SLMAP: variants seen among roughly 807,000 people sequenced by gnomAD.
SLMAP encodes the protein sarcolemma associated protein.
Under a neutral mutation model 128.8 loss-of-function variants are expected in SLMAP, and 44 were observed. The ratio of observed to expected loss-of-function variants is 0.34; its 90% CI spans 0.27 to 0.44. SLMAP has a LOEUF of 0.44. Among genes scored for constraint, SLMAP ranks in the 20% least tolerant of loss-of-function variants. The pLI, the probability that SLMAP is intolerant of heterozygous loss-of-function variation, is 1.00. For missense variants in SLMAP, 787 were observed against 985.3 expected (o/e 0.80, Z 2.69); for synonymous variants, 327 against 348.8 (o/e 0.94, Z 0.70).
intron 3 of SLMAP, among the ~76,000 whole-genome samples, chr3:57,838,811 A>C (rs1285253373): frequency 6.6e-6 from 1 of 152,182 alleles, no homozygotes; most frequent in African/African-American, 2.4e-5. Context: ...TGGAGATCGC[A>C]GGTAGCTTGG....
Position 57,926,257 on chromosome 3 carries a change from C to G in SLMAP, c.*6+323C>G, listed in dbSNP as rs1330486202. 1.6e-5 allele frequency: 4 copies of G among 249,746 alleles called. No individual in the cohort carries two copies. In the Admixed American group the frequency reaches 2.2e-4, roughly 14 times the overall value. The allele number at this position is 249,746 out of a possible 1,614,324, so 15.5% of individuals were successfully genotyped here. On this transcript the variant is annotated intron_variant, in intron 24 of 24. Transcript: ENST00000671191. Reference sequence around the variant, plus strand: ...TTTCTGCAATATTAGTACCCTCTTTCCAATTATGTGTTTAATCAGATTTGA... The same window carrying G: ...TTTCTGCAATATTAGTACCCTCTTTGCAATTATGTGTTTAATCAGATTTGA...
intron 20 of SLMAP, 94 bp downstream of exon 20, chr3:57,912,795 T>C (rs1046754121): frequency 2.1e-6 from 2 of 932,940 alleles, no homozygotes; most frequent in African/African-American, 3.3e-5. Context: ...TTTTTTTTCT[T>C]TGTTAGCTAT....
At chr3:57,767,440 T>G (rs2079967785) in intron 2 of SLMAP, among the ~76,000 whole-genome samples, 1 of 152,226 alleles carries the variant, frequency 6.6e-6, no homozygotes, top group Non-Finnish European at 1.5e-5. Context: ...GATCATGGAC[T>G]CAATTATCAA....
In SLMAP at chr3:57,825,163, T is replaced by C. The variant is rs1295160589; in HGVS notation, c.199-6220T>C. 5.3e-5 allele frequency among the ~76,000 whole-genome samples: 8 copies of C among 152,142 alleles called. No individual in the cohort carries two copies. The East Asian group carries it at 1.5e-3, about 29-fold the overall frequency. On this transcript the variant is annotated intron_variant, in intron 2 of 24. Coordinates refer to ENST00000671191, the MANE Select transcript of SLMAP (RefSeq NM_001377540.1). ...CATGTGAATTCTATGGGGTTTTCTATATATAGGATCATGTCATCTGTGAAT... is the reference window on the plus strand; with the variant it reads ...CATGTGAATTCTATGGGGTTTTCTACATATAGGATCATGTCATCTGTGAAT...
intron 21 of SLMAP, among the ~76,000 whole-genome samples, chr3:57,913,506 C>T (rs934865841): frequency 1.3e-5 from 2 of 152,000 alleles, no homozygotes; most frequent in Non-Finnish European, 2.9e-5. Flanking sequence ...AATACAGATT[C>T]ATTAAATGTC....
At chr3:57,868,165 T>A (rs2095357616) in intron 13 of SLMAP, among the ~76,000 whole-genome samples, 1 of 152,076 alleles carries the variant, frequency 6.6e-6, no homozygotes, top group South Asian at 2.1e-4. Flanking sequence ...GGAGGCTAGA[T>A]GGGAGAATCA....
chr3:57,906,076 A>G (rs1013188277), intron 17 of SLMAP, among the ~76,000 whole-genome samples: 2 of 148,816 alleles, frequency 1.3e-5, no homozygotes, highest in Non-Finnish European at 3.0e-5. Context: ...AAAAAAGAGC[A>G]TTATCCTATA....
intron 2 of SLMAP, chr3:57,800,278 G>C (rs995322974): frequency 1.3e-5 from 2 of 152,266 alleles, no homozygotes; most frequent in Non-Finnish European, 2.9e-5. Flanking sequence ...TTCTGCCTCG[G>C]CTTCCCAAGT....
At chr3:57,857,165 A>G (rs968221485) in intron 6 of SLMAP, among the ~76,000 whole-genome samples, 7 of 152,194 alleles carry the variant, frequency 4.6e-5, no homozygotes, top group Admixed American at 1.3e-4. Context: ...AAAACAGGTG[A>G]CTTGTTTTCT....
At chr3:57,874,121 A>G (rs891035030) in intron 14 of SLMAP, among the ~76,000 whole-genome samples, 1 of 152,188 alleles carries the variant, frequency 6.6e-6, no homozygotes, top group East Asian at 1.9e-4. Context: ...AGACTGTCTC[A>G]GCAACAGCAA....
chr3:57,917,057 G>A lies in SLMAP; in HGVS notation c.2290G>A (p.Ala764Thr). The change falls in exon 22 of 25, where the codon GCA becomes ACA. Residue 764 changes from alanine (A) to threonine (T), a missense_variant. Physicochemically the swap from Ala to Thr is moderately conservative, Grantham distance 58. Transcript: ENST00000671191. ...TCTTCTCAGTAAGGCAGAAAACCAA[G>A]CAAAGGATGTGCAGAAAGAGGTAAA... Reference protein sequence around the residue: ...KTLLSKAENQAKDVQKEYEKT... With the variant: ...KTLLSKAENQTKDVQKEYEKT... The A allele has an allele frequency of 6.2e-7, 1 of 1,613,872 alleles. No individual in the cohort carries two copies. The highest frequency in any genetic ancestry group is 1.1e-5 in the South Asian group (1 of 91,076).
At chr3:57,848,597 C>T (rs572554600) in intron 5 of SLMAP, among the ~76,000 whole-genome samples, 2 of 146,686 alleles carry the variant, frequency 1.4e-5, no homozygotes, top group Admixed American at 6.9e-5. Context: ...TCCTCTTCCT[C>T]CTTCCTCCTC....
intron 17 of SLMAP, among the ~76,000 whole-genome samples, chr3:57,903,505 C>T (rs986647336): frequency 6.6e-6 from 1 of 152,184 alleles, no homozygotes; most frequent in African/African-American, 2.4e-5. Flanking sequence ...CCAAGTGGAT[C>T]AGTGTGTCAG....
chr3:57,800,276 C>T (rs1015322411), intron 2 of SLMAP: 14 of 152,272 alleles, frequency 9.2e-5, no homozygotes. Context: ...TTTTCTGCCT[C>T]GGCTTCCCAA....
At chr3:57,838,028 AT>A (rs139475811) in intron 3 of SLMAP, among the ~76,000 whole-genome samples, 2,068 of 152,214 alleles carry the variant, frequency 0.014, 53 homozygotes, top group African/African-American at 0.045. Context: ...CATCTCATAG[AT>A]TTGCGCATCA....
rs1560189603 is a variant in SLMAP, at chr3:57,841,277, ATTAT to A, written c.347-19_347-16del. 1 of 1,441,812 alleles carries A rather than the reference ATTAT, an allele frequency of 6.9e-7. No individual in the cohort carries two copies. Among genetic ancestry groups the A allele is most frequent in the East Asian group, 2.3e-5 (1 of 43,508 alleles). 89.3% of individuals were successfully genotyped at this position (1,441,812 alleles called of 1,614,324 possible). The stretch of plus-strand genomic sequence containing the variant: ...ATTTTTAAACAATTATTTCATCCAT[ATTAT>A]TTGTTTGTTTCAACCAGTTACCCAT... On this transcript the variant is annotated intron_variant, in intron 3 of 24. Transcript: ENST00000671191.
At position 57,896,936 on chromosome 3, in the gene SLMAP, C is replaced by T. The variant is rs539985706; in HGVS notation, c.1501+4C>T. ...GCCAAAGTGTCCCTTTTAAAAGGTACTTTAACATGTTTTTATGACATCGTA... is the reference window on the plus strand; with the variant it reads ...GCCAAAGTGTCCCTTTTAAAAGGTATTTTAACATGTTTTTATGACATCGTA... On this transcript the variant is annotated splice_donor_region_variant and intron_variant, in intron 17 of 24. Coordinates refer to ENST00000671191, the MANE Select transcript of SLMAP (RefSeq NM_001377540.1). The T allele has an allele frequency of 1.9e-6, 3 of 1,613,220 alleles. No individual in the cohort carries two copies. The East Asian group carries it at 6.7e-5, about 36-fold the overall frequency.
chr3:57,831,580 A>T (rs764052718), intron 3 of SLMAP, 50 bp downstream of exon 3: 1 of 1,269,976 alleles, frequency 7.9e-7, no homozygotes, highest in South Asian at 2.0e-5. Flanking sequence ...AAGGTTATTT[A>T]ATTTTTTATT....
intron 4 of SLMAP, among the ~76,000 whole-genome samples, chr3:57,846,694 C>T (rs776672538): frequency 1.3e-5 from 2 of 151,736 alleles, no homozygotes; most frequent in South Asian, 4.1e-4. Context: ...GGAGCTGGGA[C>T]TAATGGTGTG....
Sources: allele counts gnomAD v4.1 joint callset (sites outside exome capture counted in the v4.1 genomes callset), GRCh38; gene constraint gnomAD v4.1.1; transcripts MANE v1.5; gene names NCBI Gene and HGNC (gene_info 2026-07-23, HGNC 2026-07-21).